Variants in COMMD3 observed in about 807,000 individuals in gnomAD.
COMMD3 encodes COMM domain containing 3.
COMMD3 carries 31 observed loss-of-function variants against 31.2 expected under a neutral mutation model. The ratio of observed to expected loss-of-function variants is 0.99; its 90% confidence interval spans 0.75 to 1.34. COMMD3 has a LOEUF of 1.34. Ranked by LOEUF, COMMD3 falls within the 40% of genes most tolerant of loss-of-function variation. The pLI is 0.00. For synonymous variants in COMMD3, 108 were observed against 87.3 expected, an observed-to-expected ratio of 1.24 and a Z score of -1.32; for missense variants, 274 against 236.9, an observed-to-expected ratio of 1.16 and a Z score of -1.03.
chr10:22,316,771 C>A, intron 1 of COMMD3: 3 of 670,900 alleles, frequency 4.5e-6, no homozygotes, highest in Non-Finnish European at 6.5e-6. Flanking sequence ...TGCATAGAGC[C>A]AACTCCACGT....
At chr10:22,316,872 C>T (rs768483050) in intron 1 of COMMD3, 4 of 200,716 alleles carry the variant, frequency 2.0e-5, no homozygotes, top group Admixed American at 6.0e-5. Flanking sequence ...AGGTGTTTAG[C>T]CTTGTCTGAG....
chr10:22,318,584 T>G, intron 4 of COMMD3, 69 bp from the exon 5 acceptor site: 3 of 1,375,540 alleles, frequency 2.2e-6, no homozygotes, highest in Non-Finnish European at 3.1e-6. Context: ...GAGCCATTCT[T>G]AGTAAATATA....
Position 22,317,947 on chromosome 10 carries a change from C to T in COMMD3, c.203C>T (p.Thr68Ile). Residue 68 changes from threonine to isoleucine, a missense_variant, in exon 2 of 8, where the codon ACT becomes ATT. Thr to Ile is a moderately conservative substitution (Grantham distance 89). Transcript: ENST00000376836. ...AAACATTGTCATGCAGCAGCTGCAA[C>T]TTACATACTAGAGGCAGGAAAGCAC... ...VLKHCHAAAA[T>I]YILEAGKHRA... 1 of 1,614,000 alleles carries T rather than the reference C, an allele frequency of 6.2e-7. No homozygotes were observed.
chr10:22,318,328 A>G, intron 4 of COMMD3, 22 bp downstream of exon 4: 1 of 1,587,358 alleles, frequency 6.3e-7, no homozygotes, highest in Non-Finnish European at 8.5e-7. Flanking sequence ...ATAAGGTGTC[A>G]AGCTGAGGCA....
chr10:22,318,361 GGA>G, intron 4 of COMMD3, 55 bp downstream of exon 4: 1 of 1,567,962 alleles, frequency 6.4e-7, no homozygotes, highest in Non-Finnish European at 8.6e-7. Context: ...AGGTATGAAT[GGA>G]GAGTGTTGGT....
At position 22,317,927 on chromosome 10, in the gene COMMD3, T is replaced by C. The variant is rs779173780; in HGVS notation, c.183T>C (p.His61=). 2 of 1,614,014 alleles carry C rather than the reference T, an allele frequency of 1.2e-6. No homozygotes were observed. Among genetic ancestry groups the C allele is most frequent in the South Asian group, 2.2e-5 (2 of 91,082 alleles). ...LKHIDPVVLK[H]CHAAAATYIL... ...ATATCGACCCAGTGGTTTTAAAACA[T>C]TGTCATGCAGCAGCTGCAACTTACA... Residue 61 remains histidine, a synonymous_variant, in exon 2 of 8, where the codon CAT becomes CAC. Coordinates refer to ENST00000376836, the MANE Select transcript of COMMD3 (RefSeq NM_012071.4).
chr10:22,320,301 C>T lies in COMMD3; in HGVS notation c.*303C>T. On this transcript the variant is annotated 3_prime_UTR_variant, in exon 8 of 8. Coordinates refer to ENST00000376836, the MANE Select transcript of COMMD3 (RefSeq NM_012071.4). ...CCTGAATAAATAAGGTGTTGTTTTC[C>T]ACAAAGAGTGATGATATTTTGTTTG... 2.0e-6 allele frequency: 1 copy of T among 508,652 alleles called. No homozygotes were observed. Among genetic ancestry groups the T allele is most frequent in the South Asian group, 2.5e-5 (1 of 39,646 alleles). The allele number at this position is 508,652 out of a possible 1,614,324, so 31.5% of individuals were successfully genotyped here. A position where few individuals can be genotyped will look rare whatever the true frequency, so the allele number is the denominator to read the frequency against.
intron 7 of COMMD3, 156 bp from the exon 8 acceptor site, chr10:22,319,783 T>C: frequency 1.2e-6 from 1 of 846,986 alleles, no homozygotes; most frequent in South Asian, 1.9e-5. Flanking sequence ...AACGCTTTTT[T>C]TGCCCGATAG....
Position 22,317,951 on chromosome 10 carries a change from C to A in COMMD3, c.207C>A (p.Tyr69Ter), listed in dbSNP as rs770921306. 1.4e-5 allele frequency: 23 copies of A among 1,613,892 alleles called. No homozygotes were observed. Among genetic ancestry groups the A allele is most frequent in the Non-Finnish European group, 1.9e-5 (23 of 1,179,944 alleles). ...ATTGTCATGCAGCAGCTGCAACTTA[C>A]ATACTAGAGGCAGGAAAGCACCGAG... ...LKHCHAAAAT[Y>*]ILEAGKHRAD... Residue 69 changes from tyrosine to a stop codon, truncating the protein, a stop_gained, in exon 2 of 8, where the codon TAC becomes TAA. Transcript: ENST00000376836. LOFTEE classifies it high-confidence loss of function.
chr10:22,318,567 G>C (rs906419884), intron 4 of COMMD3, 86 bp from the exon 5 acceptor site: 8 of 1,280,394 alleles, frequency 6.2e-6, no homozygotes, highest in Non-Finnish European at 9.0e-6. Context: ...GTTGGGGGTG[G>C]AAAGTAGAGC....
chr10:22,317,710 T>C (rs1157668003), intron 1 of COMMD3, 174 bp from the exon 2 acceptor site: 3 of 567,962 alleles, frequency 5.3e-6, no homozygotes, highest in East Asian at 3.0e-5. Flanking sequence ...GTTCTTTTTA[T>C]TGTTTTTCAC....
chr10:22,320,022 C>T lies in COMMD3; in HGVS notation c.*24C>T, dbSNP rs754080065. 1.9e-6 allele frequency: 3 copies of T among 1,614,050 alleles called. No individual in the cohort carries two copies. Among genetic ancestry groups the T allele is most frequent in the South Asian group, 2.2e-5 (2 of 91,070 alleles). On this transcript the variant is annotated 3_prime_UTR_variant, in exon 8 of 8. Coordinates refer to ENST00000376836, the MANE Select transcript of COMMD3 (RefSeq NM_012071.4). ...AACTTGGGGAAGTTAACGATCCGCC[C>T]GAGTGCAGAGGAAAACCAGAAACGC...
Position 22,319,981 on chromosome 10 carries a change from A to T in COMMD3, c.571A>T (p.Arg191Ter). 1 of 1,614,188 alleles carries T rather than the reference A, an allele frequency of 6.2e-7. No individual in the cohort carries two copies. Among genetic ancestry groups the T allele is most frequent in the Non-Finnish European group, 8.5e-7 (1 of 1,180,016 alleles). The stretch of plus-strand genomic sequence containing the variant: ...TAAAGATGCTTCGAAAAGCCTGGAA[A>T]GAGCAACTCAGTTGTAACTTGGGGA... ...KLKDASKSLE[R>*]ATQL Residue 191 changes from arginine to a stop codon, truncating the protein, a stop_gained, in exon 8 of 8, where the codon AGA becomes TGA. Coordinates refer to ENST00000376836, the MANE Select transcript of COMMD3 (RefSeq NM_012071.4). LOFTEE classifies it high-confidence loss of function.
In COMMD3 at chr10:22,320,065, C is replaced by A. The variant is rs769400369; in HGVS notation, c.*67C>A. The A allele has an allele frequency of 3.1e-6, 5 of 1,613,590 alleles. No homozygotes were observed. The Admixed American group carries it at 8.3e-5, about 27-fold the overall frequency. On this transcript the variant is annotated 3_prime_UTR_variant, in exon 8 of 8. Coordinates refer to ENST00000376836, the MANE Select transcript of COMMD3 (RefSeq NM_012071.4). ...AGAAACGCCTTGCCTTCAGCTGAACCACCGTTTGTGCGAGCTGGATGTCCT... is the reference window on the plus strand; with the variant it reads ...AGAAACGCCTTGCCTTCAGCTGAACAACCGTTTGTGCGAGCTGGATGTCCT...
At chr10:22,319,894 C>T in intron 7 of COMMD3, 45 bp from the exon 8 acceptor site, 1 of 1,604,548 alleles carries the variant, frequency 6.2e-7, no homozygotes, top group Non-Finnish European at 8.5e-7. Flanking sequence ...ATACTTCTTT[C>T]CATGTTTTAT....
chr10:22,319,554 A>AT (rs1006943275), intron 7 of COMMD3: 1 of 175,248 alleles, frequency 5.7e-6, no homozygotes, highest in Admixed American at 5.7e-5. Context: ...ATTACTGGAA[A>AT]TTTAAGTGAA....
rs1835869711 is a variant in COMMD3, at chr10:22,317,295, G to C, written c.140-589G>C. 2.0e-5 allele frequency among the ~76,000 whole-genome samples: 3 copies of C among 151,344 alleles called. No homozygotes were observed. The South Asian group carries it at 6.2e-4, about 31-fold the overall frequency. On this transcript the variant is annotated intron_variant, in intron 1 of 7. Transcript: ENST00000376836. ...TTTTGTTTTTTTTCTGTAGTTTCAT[G>C]AACTAAACACTTGTACAAAAAGTAT...
intron 1 of COMMD3, 50 bp downstream of exon 1, chr10:22,316,606 G>T (rs781631236): frequency 2.1e-6 from 3 of 1,435,246 alleles, no homozygotes; most frequent in Non-Finnish European, 2.8e-6. Flanking sequence ...GTGGAGGGGC[G>T]CTCGGAGAAG....
intron 4 of COMMD3, 103 bp downstream of exon 4, chr10:22,318,409 A>G: frequency 6.9e-7 from 1 of 1,458,506 alleles, no homozygotes; most frequent in Non-Finnish European, 9.3e-7. Flanking sequence ...ACCCAAAGAA[A>G]AGGAGCCAAA....
Sources: allele counts gnomAD v4.1 joint callset (sites outside exome capture counted in the v4.1 genomes callset), GRCh38; gene constraint gnomAD v4.1.1; transcripts MANE v1.5; gene names NCBI Gene and HGNC (gene_info 2026-07-23, HGNC 2026-07-21).